MUSK: variants seen among roughly 807,000 people sequenced by gnomAD.
MUSK encodes muscle associated receptor tyrosine kinase, also known as muscle, skeletal receptor tyrosine-protein kinase.
In MUSK, 55 loss-of-function variants were observed where a neutral mutation model predicts 88.7. The observed-to-expected ratio is 0.62, with a 90% CI of 0.50 to 0.78. The LOEUF is 0.78. Among genes scored for constraint, MUSK ranks in the 30% least tolerant of loss-of-function variants. MUSK has a pLI of 0.00. For synonymous variants in MUSK, 387 were observed against 391.9 expected, an observed-to-expected ratio of 0.99 and a Z score of 0.15; for missense variants, 1,015 against 1,074.3, an observed-to-expected ratio of 0.94 and a Z score of 0.77.
intron 5 of MUSK, among the ~76,000 whole-genome samples, chr9:110,716,971 TG>T (rs1471749503): frequency 1.3e-5 from 2 of 149,918 alleles, no homozygotes; most frequent in Non-Finnish European, 2.9e-5. Flanking sequence ...TGTGTTTTCC[TG>T]TGCTCTTTGT....
At chr9:110,742,896 A>T (rs550983991) in intron 6 of MUSK, among the ~76,000 whole-genome samples, 2 of 152,372 alleles carry the variant, frequency 1.3e-5, no homozygotes, top group African/African-American at 4.8e-5. Context: ...GGAAATCAAG[A>T]TGACTGTCCA....
At chr9:110,689,916 C>CATATTTAAATATAAGATATAAATAT (rs1554735622) in intron 3 of MUSK, among the ~76,000 whole-genome samples, 195 of 78,978 alleles carry the variant, frequency 2.5e-3, no homozygotes, top group Non-Finnish European at 3.5e-3. Context: ...CATAAAAATA[C>CATATTTAAATATAAGATATAAATAT]ATATTTAAAT....
At chr9:110,766,837 A>G (rs1227840982) in intron 8 of MUSK, among the ~76,000 whole-genome samples, 1 of 152,374 alleles carries the variant, frequency 6.6e-6, no homozygotes, top group East Asian at 1.9e-4. Context: ...GATAGAACAC[A>G]TAAGAATATA....
chr9:110,688,162 T>C (rs1294307269), intron 3 of MUSK, among the ~76,000 whole-genome samples: 1 of 152,124 alleles, frequency 6.6e-6, no homozygotes, highest in Non-Finnish European at 1.5e-5. Flanking sequence ...TTTCTCTAAC[T>C]GTATTCATCA....
At chr9:110,712,651 C>T (rs1201622723) in intron 5 of MUSK, among the ~76,000 whole-genome samples, 3 of 152,160 alleles carry the variant, frequency 2.0e-5, no homozygotes, top group African/African-American at 7.2e-5. Flanking sequence ...CTTTGAAAAA[C>T]ACTGACTTCA....
intron 7 of MUSK, 106 bp from the exon 8 acceptor site, chr9:110,762,096 T>C (rs977291449): frequency 1.8e-6 from 2 of 1,090,462 alleles, no homozygotes; most frequent in African/African-American, 1.6e-5. Context: ...TAGAGATCAG[T>C]AGTATCAAAA....
chr9:110,775,857 C>T lies in MUSK; in HGVS notation c.1254C>T (p.His418=). The change falls in exon 10 of 15, where the codon CAC becomes CAT. Residue 418 remains histidine (H), a synonymous_variant. Transcript: ENST00000374448. Reference sequence around the variant, plus strand: ...GGCTGGTAATGGAAGAGAAGACCCACAGAGGACTCTACAGATCCGAGATGC... The same window carrying T: ...GGCTGGTAATGGAAGAGAAGACCCATAGAGGACTCTACAGATCCGAGATGC... ...KEWLVMEEKT[H]RGLYRSEMHL... 1 of 1,613,952 alleles carries T rather than the reference C, an allele frequency of 6.2e-7. No homozygotes were observed. The highest frequency in any genetic ancestry group is 1.1e-5 in the South Asian group (1 of 91,082).
chr9:110,713,868 A>C (rs2076710419), intron 5 of MUSK, among the ~76,000 whole-genome samples: 1 of 152,202 alleles, frequency 6.6e-6, no homozygotes, highest in Non-Finnish European at 1.5e-5. Context: ...AGATCAAAAA[A>C]GTTATTTAAA....
At chr9:110,705,756 A>G (rs1009071738) in intron 5 of MUSK, among the ~76,000 whole-genome samples, 1 of 152,222 alleles carries the variant, frequency 6.6e-6, no homozygotes, top group African/African-American at 2.4e-5. Flanking sequence ...AGCCTCAGTC[A>G]TCTGGGAGGC....
chr9:110,803,157 A>T lies in MUSK; in HGVS notation c.*2169A>T, dbSNP rs1017075928. 4.6e-5 allele frequency among the ~76,000 whole-genome samples: 7 copies of T among 152,206 alleles called. No individual in the cohort carries two copies. Among genetic ancestry groups the T allele is most frequent in the African/African-American group, 1.7e-4 (7 of 41,454 alleles). ...AGACATAGAAGTCAGGCTGACAGAA[A>T]ATAGAGTAACAGTAATCATAAAAAT... On this transcript the variant is annotated 3_prime_UTR_variant, in exon 15 of 15. Transcript: ENST00000374448.
chr9:110,778,403 G>GT (rs976659675), intron 11 of MUSK, among the ~76,000 whole-genome samples: 1 of 152,068 alleles, frequency 6.6e-6, no homozygotes, highest in Non-Finnish European at 1.5e-5. Flanking sequence ...TGGAGAAAAG[G>GT]TTAATTTGTC....
At chr9:110,689,271 T>TTATATTTATATATAAATATATAGCTA (rs1564216748) in intron 3 of MUSK, among the ~76,000 whole-genome samples, 1 of 118,238 alleles carries the variant, frequency 8.5e-6, no homozygotes, top group Non-Finnish European at 1.6e-5. Context: ...TATTGTATAG[T>TTATATTTATATATAAATATATAGCTA]TATATTTATA....
In MUSK at chr9:110,690,424, A is replaced by G. The variant is rs376259591; in HGVS notation, c.358+3156A>G. 8.8e-3 allele frequency among the ~76,000 whole-genome samples: 319 copies of G among 36,110 alleles called. 31 individuals carry two copies. The highest frequency in any genetic ancestry group is 0.056 in the African/African-American group (300 of 5,312). 23.7% of individuals were successfully genotyped at this position (36,110 alleles called of 152,430 possible). On this transcript the variant is annotated intron_variant, in intron 3 of 14. Transcript: ENST00000374448. Reference sequence around the variant, plus strand: ...CATAAATATATATATTTAAATATAAATATATATTTCAATATAAGTATATAT... The same window carrying G: ...CATAAATATATATATTTAAATATAAGTATATATTTCAATATAAGTATATAT...
At position 110,738,955 on chromosome 9, in the gene MUSK, C is replaced by G. The variant is rs144057812; in HGVS notation, c.753+4580C>G. On this transcript the variant is annotated intron_variant, in intron 6 of 14. Coordinates refer to ENST00000374448, the MANE Select transcript of MUSK (RefSeq NM_005592.4). The stretch of plus-strand genomic sequence containing the variant: ...CTCTTTGTGTTGGGGTCTAATCAGT[C>G]CCCCAAAAAGTCATCTTGGGAGGAC... 1.5e-4 allele frequency among the ~76,000 whole-genome samples: 23 copies of G among 152,214 alleles called. 1 individual carries two copies. In the East Asian group the frequency reaches 3.5e-3, roughly 23 times the overall value.
intron 3 of MUSK, among the ~76,000 whole-genome samples, chr9:110,689,006 A>G (rs1195047719): frequency 7.0e-6 from 1 of 143,864 alleles, no homozygotes; most frequent in Non-Finnish European, 1.5e-5. Context: ...TTAAATATAT[A>G]AAAACATATT....
intron 11 of MUSK, among the ~76,000 whole-genome samples, chr9:110,781,995 T>A (rs927463755): frequency 6.6e-6 from 1 of 152,202 alleles, no homozygotes; most frequent in Non-Finnish European, 1.5e-5. Flanking sequence ...GTGCCAGCCC[T>A]GAACGAGACT....
intron 14 of MUSK, among the ~76,000 whole-genome samples, chr9:110,799,873 AGAG>A (rs2078064794): frequency 2.6e-5 from 4 of 152,150 alleles, no homozygotes; most frequent in Non-Finnish European, 5.9e-5. Flanking sequence ...TTAAAGGCAA[AGAG>A]GAGATGTTTA....
intron 5 of MUSK, among the ~76,000 whole-genome samples, chr9:110,702,911 T>TA (rs1407554757): frequency 7.3e-6 from 1 of 136,254 alleles, no homozygotes; most frequent in Non-Finnish European, 1.7e-5. Flanking sequence ...AAAATAATAA[T>TA]AAAAAACCTA....
chr9:110,786,339 C>T (rs2077865823), intron 13 of MUSK, among the ~76,000 whole-genome samples: 4 of 148,246 alleles, frequency 2.7e-5, no homozygotes, highest in Middle Eastern at 7.0e-3. Flanking sequence ...AAAAGAAAAA[C>T]TAGTTAATTC....
Sources: allele counts gnomAD v4.1 joint callset (sites outside exome capture counted in the v4.1 genomes callset), GRCh38; gene constraint gnomAD v4.1.1; transcripts MANE v1.5; gene names NCBI Gene and HGNC (gene_info 2026-07-23, HGNC 2026-07-21).